BBIP1: variants seen among roughly 807,000 people sequenced by gnomAD.
BBIP1 encodes BBSome-interacting protein 1.
Under a neutral mutation model 8.9 loss-of-function variants are expected in BBIP1, and 6 were observed. The observed-to-expected ratio is 0.67, with a 90% confidence interval of 0.37 to 1.33. The LOEUF (loss-of-function observed/expected upper bound fraction) is 1.33. BBIP1 is among the 40% of genes most tolerant of loss of function. BBIP1 has a pLI of 0.02. For missense variants in BBIP1, 111 were observed against 109.2 expected, an observed-to-expected ratio of 1.02 and a Z score of -0.07; for synonymous variants, 32 against 33.4, an observed-to-expected ratio of 0.96 and a Z score of 0.14.
chr10:110,909,572 A>T (rs1846225161), intron 2 of BBIP1, among the ~76,000 whole-genome samples: 1 of 152,240 alleles, frequency 6.6e-6, no homozygotes, highest in African/African-American at 2.4e-5. Context: ...AAAGTCTTAG[A>T]AAAAGACAGA....
chr10:110,913,148 G>T (rs1336876167), intron 2 of BBIP1, among the ~76,000 whole-genome samples: 1 of 152,154 alleles, frequency 6.6e-6, no homozygotes, highest in Non-Finnish European at 1.5e-5. Flanking sequence ...GTACATGGTT[G>T]TACTCTGGCC....
intron 2 of BBIP1, chr10:110,911,218 T>C (rs1846268130): frequency 6.6e-6 from 1 of 152,148 alleles, no homozygotes; most frequent in South Asian, 2.1e-4. Context: ...AATAAGCTTA[T>C]TAACATGTAT....
Position 110,918,185 on chromosome 10 carries a change from G to GAGTT in BBIP1, c.-32_-29dup, listed in dbSNP as rs1564696217. The stretch of plus-strand genomic sequence containing the variant: ...AACCCGGTATTACCAAGATGACTTA[G>GAGTT]AGTTCTTGACTCAAGCATACAGAAG... On this transcript the variant is annotated 5_prime_UTR_variant, in exon 2 of 4. An upstream open reading frame in the 5' UTR gains an earlier in-frame stop. Coordinates refer to ENST00000448814, the MANE Select transcript of BBIP1 (RefSeq NM_001195305.3). 6.5e-7 allele frequency: 1 copy of GAGTT among 1,532,242 alleles called. No individual in the cohort carries two copies. Among genetic ancestry groups the GAGTT allele is most frequent in the Non-Finnish European group, 8.7e-7 (1 of 1,143,476 alleles). 94.9% of individuals were successfully genotyped at this position (1,532,242 alleles called of 1,614,324 possible). A position where few individuals can be genotyped will look rare whatever the true frequency, so the allele number is the denominator to read the frequency against.
At chr10:110,908,212 A>T in intron 2 of BBIP1, 1 of 153,092 alleles carries the variant, frequency 6.5e-6, no homozygotes, top group East Asian at 1.9e-4. Flanking sequence ...AAAAGTTTAG[A>T]CCATCCTGGA....
Position 110,899,856 on chromosome 10 carries a change from A to G in BBIP1, c.*504T>C, listed in dbSNP as rs1845942324. 6.6e-6 allele frequency: 1 copy of G among 152,430 alleles called. No individual in the cohort carries two copies. Among genetic ancestry groups the G allele is most frequent in the African/African-American group, 2.4e-5 (1 of 41,440 alleles). The allele number at this position is 152,430 out of a possible 1,614,324, so 9.4% of individuals were successfully genotyped here. A position where few individuals can be genotyped will look rare whatever the true frequency, so the allele number is the denominator to read the frequency against. The stretch of plus-strand genomic sequence containing the variant: ...GTCATTACTGGTGGGATCTGGTCAC[A>G]CAAGATAGCATTAAACGTGACATGG... On this transcript the variant is annotated 3_prime_UTR_variant, in exon 4 of 4. Transcript: ENST00000448814.
chr10:110,901,846 A>T, intron 2 of BBIP1: 1 of 459,170 alleles, frequency 2.2e-6, no homozygotes, highest in Non-Finnish European at 4.0e-6. Context: ...AGGTGTTGTA[A>T]TTTTTTTTCT....
chr10:110,901,258 G>T, intron 3 of BBIP1: 2 of 420,098 alleles, frequency 4.8e-6, no homozygotes, highest in Non-Finnish European at 8.9e-6. Context: ...CCAAGCCTGG[G>T]TGGCAGAGTG....
intron 2 of BBIP1, among the ~76,000 whole-genome samples, chr10:110,912,595 C>T (rs1019028300): frequency 5.3e-5 from 8 of 152,164 alleles, no homozygotes; most frequent in African/African-American, 1.9e-4. Context: ...CCTGATTACT[C>T]ATAACGTATA....
chr10:110,914,858 C>T (rs1252588616), intron 2 of BBIP1, among the ~76,000 whole-genome samples: 1 of 152,180 alleles, frequency 6.6e-6, no homozygotes, highest in African/African-American at 2.4e-5. Flanking sequence ...ATGATACATC[C>T]TACTCATGCA....
rs1845897514 is a variant in BBIP1, at chr10:110,898,891, G to A, written c.*1469C>T. The A allele has an allele frequency of 6.6e-6, 1 of 152,360 alleles. No homozygotes were observed. Among genetic ancestry groups the A allele is most frequent in the Admixed American group, 6.6e-5 (1 of 15,262 alleles). 9.4% of individuals were successfully genotyped at this position (152,360 alleles called of 1,614,324 possible). ...TTTTTTTCCCTACAAAATTTTAAGT[G>A]AAAAATACAATAGTAAATTAAGATT... On this transcript the variant is annotated 3_prime_UTR_variant, in exon 4 of 4. Coordinates refer to ENST00000448814, the MANE Select transcript of BBIP1 (RefSeq NM_001195305.3).
rs534296385 is a variant in BBIP1, at chr10:110,916,629, G to C, written c.37+1492C>G. Among the ~76,000 whole-genome samples, 13 of 152,260 alleles carry C rather than the reference G, an allele frequency of 8.5e-5. No homozygotes were observed. In the East Asian group the frequency reaches 1.7e-3, roughly 20 times the overall value. The stretch of plus-strand genomic sequence containing the variant: ...CAACAGTTGCCTTGGTATTTGCTTT[G>C]ATAACATCAAGATTCATCTGTATTT... On this transcript the variant is annotated intron_variant, in intron 2 of 3. Transcript: ENST00000448814.
In BBIP1 at chr10:110,901,550, G is replaced by C. The variant is rs1846002442; in HGVS notation, c.100C>G (p.Leu34Val). 1 of 1,534,924 alleles carries C rather than the reference G, an allele frequency of 6.5e-7. No homozygotes were observed. Among genetic ancestry groups the C allele is most frequent in the Non-Finnish European group, 8.7e-7 (1 of 1,145,880 alleles). The change falls in exon 3 of 4, where the codon CTT becomes GTT. Residue 34 changes from leucine (L) to valine (V), a missense_variant. Transcript: ENST00000448814. ...AEVKSMFREV[L>V]PKQGPLFVED... Reference sequence around the variant, plus strand: ...GTGATGTACATACCTTGCTTTGGAAGAACTTCCCGGAACATTGACTTCACT... The same window carrying C: ...GTGATGTACATACCTTGCTTTGGAACAACTTCCCGGAACATTGACTTCACT...
intron 2 of BBIP1, among the ~76,000 whole-genome samples, chr10:110,912,782 CTA>C (rs760009566): frequency 5.1e-4 from 78 of 152,032 alleles, no homozygotes; most frequent in Non-Finnish European, 9.1e-4. Context: ...TTCCATGGGT[CTA>C]TGTGTTTATC....
intron 2 of BBIP1, chr10:110,912,158 C>CTTTTTTTTTTT (rs79971994): frequency 3.1e-5 from 4 of 128,304 alleles, no homozygotes; most frequent in South Asian, 2.5e-4. Context: ...CTTTTCTTTT[C>CTTTTTTTTTTT]TTTTTTTTTT....
Position 110,900,279 on chromosome 10 carries a change from T to A in BBIP1, c.*81A>T. The A allele has an allele frequency of 7.7e-7, 1 of 1,297,796 alleles. No individual in the cohort carries two copies. The highest frequency in any genetic ancestry group is 1.0e-6 in the Non-Finnish European group (1 of 970,696). 80.4% of individuals were successfully genotyped at this position (1,297,796 alleles called of 1,614,324 possible). On this transcript the variant is annotated 3_prime_UTR_variant, in exon 4 of 4. Transcript: ENST00000448814. The stretch of plus-strand genomic sequence containing the variant: ...AATTTTATTGATAACACATACTACT[T>A]TCAGCACACAGAAGCATATTTTCTA...
intron 2 of BBIP1, 164 bp from the exon 3 acceptor site, chr10:110,901,776 G>C: frequency 1.6e-6 from 1 of 607,078 alleles, no homozygotes; most frequent in Non-Finnish European, 2.9e-6. Flanking sequence ...GGGATAGTTT[G>C]TATAAGCATT....
intron 2 of BBIP1, chr10:110,904,716 G>C (rs568595737): frequency 6.6e-6 from 1 of 152,166 alleles, no homozygotes; most frequent in Non-Finnish European, 1.5e-5. Context: ...GTTCATTAAA[G>C]CATTGTGTTG....
At chr10:110,902,838 T>C (rs948747570) in intron 2 of BBIP1, 2 of 151,868 alleles carry the variant, frequency 1.3e-5, no homozygotes, top group African/African-American at 4.8e-5. Flanking sequence ...ATAAATACAA[T>C]ACACAATTTC....
At chr10:110,915,307 C>G (rs1564694974) in intron 2 of BBIP1, among the ~76,000 whole-genome samples, 1 of 152,058 alleles carries the variant, frequency 6.6e-6, no homozygotes, top group Non-Finnish European at 1.5e-5. Context: ...CAGGAACATG[C>G]TACCCCACCC....
Sources: allele counts gnomAD v4.1 joint callset (sites outside exome capture counted in the v4.1 genomes callset), GRCh38; gene constraint gnomAD v4.1.1; transcripts MANE v1.5; gene names NCBI Gene and HGNC (gene_info 2026-07-23, HGNC 2026-07-21).